The following FETUB variants were observed in gnomAD, a reference collection of about 807,000 sequenced individuals.
The protein encoded by FETUB is fetuin B, also known as fetuin-B.
Under a neutral mutation model 30.9 loss-of-function variants are expected in FETUB, and 28 were observed. The observed-to-expected ratio is 0.90, with a 90% CI of 0.67 to 1.24. The LOEUF (loss-of-function observed/expected upper bound fraction) is 1.24, where lower values mean the gene tolerates loss of function less well. Ranked by LOEUF, FETUB falls within the 50% of genes most tolerant of loss-of-function variation. FETUB has a pLI of 0.00. For synonymous variants in FETUB, 186 were observed against 175.9 expected (o/e 1.06, Z -0.45); for missense variants, 469 against 455.3 (o/e 1.03, Z -0.27).
chr3:186,646,423 C>A, intron 5 of FETUB, 74 bp downstream of exon 5: 2 of 1,112,854 alleles, frequency 1.8e-6, no homozygotes, highest in Non-Finnish European at 2.7e-6. Context: ...GCATAAATTA[C>A]ATATGAGGTG....
At position 186,652,363 on chromosome 3, in the gene FETUB, C is replaced by A. The variant is rs902979028; in HGVS notation, c.881C>A (p.Ser294Tyr). The change falls in exon 7 of 7, where the codon TCC becomes TAC. Residue 294 changes from serine (S) to tyrosine (Y), a missense_variant. By Grantham distance (144) the Ser-to-Tyr change is moderately radical. Transcript: ENST00000265029. Reference protein sequence around the residue: ...SQQKNTPPTDSPSKAGPRGSV... With the variant: ...SQQKNTPPTDYPSKAGPRGSV... ...CAGAAAAACACCCCCCCAACAGACT[C>A]CCCCTCCAAAGCTGGGCCAAGAGGA... The A allele has an allele frequency of 3.1e-6, 5 of 1,603,458 alleles. No individual in the cohort carries two copies. Among genetic ancestry groups the A allele is most frequent in the Non-Finnish European group, 3.4e-6 (4 of 1,171,318 alleles).
chr3:186,637,060 G>A (rs1034598104), upstream of FETUB, among the ~76,000 whole-genome samples: 2 of 152,174 alleles, frequency 1.3e-5, no homozygotes, highest in South Asian at 4.1e-4. Flanking sequence ...TAACCTTTCT[G>A]TTCCTCAGCC....
upstream of FETUB, chr3:186,640,213 T>C: frequency 1.9e-6 from 1 of 525,208 alleles, no homozygotes; most frequent in Non-Finnish European, 3.4e-6. Flanking sequence ...CAGGAAACAG[T>C]TGGGAAACTT....
intron 3 of FETUB, among the ~76,000 whole-genome samples, chr3:186,644,222 C>T (rs1399568008): frequency 6.6e-6 from 1 of 152,170 alleles, no homozygotes; most frequent in Non-Finnish European, 1.5e-5. Context: ...ATCCCCCTAT[C>T]TAGCTGTAAT....
intron 3 of FETUB, among the ~76,000 whole-genome samples, 178 bp from the exon 4 acceptor site, chr3:186,644,573 C>A (rs1456598531): frequency 6.6e-6 from 1 of 152,108 alleles, no homozygotes; most frequent in South Asian, 2.1e-4. Flanking sequence ...TTGTTCTGGT[C>A]TCTTTTTTAA....
chr3:186,649,514 G>A lies in FETUB; in HGVS notation c.697-1704G>A, dbSNP rs565040615. On this transcript the variant is annotated intron_variant, in intron 5 of 6. Transcript: ENST00000265029. ...AGACAGAATTTTGCTCTGTCGCCCA[G>A]GCTGGAGTACAGTGGCGCAATCTCA... 2.0e-5 allele frequency among the ~76,000 whole-genome samples: 3 copies of A among 152,002 alleles called. No individual in the cohort carries two copies. In the South Asian group the frequency reaches 6.2e-4, roughly 32 times the overall value.
intron 5 of FETUB, among the ~76,000 whole-genome samples, chr3:186,647,556 T>C (rs1717654050): frequency 6.6e-6 from 1 of 152,220 alleles, no homozygotes; most frequent in African/African-American, 2.4e-5. Context: ...TGGTACCTCA[T>C]CATGATTTTT....
At chr3:186,647,853 T>A (rs963838517) in intron 5 of FETUB, among the ~76,000 whole-genome samples, 16 of 152,256 alleles carry the variant, frequency 1.1e-4, no homozygotes, top group African/African-American at 3.6e-4. Flanking sequence ...GAAGTTCTAT[T>A]TATATATATT....
chr3:186,636,541 GAA>G (rs1339537929), upstream of FETUB, among the ~76,000 whole-genome samples: 6 of 152,158 alleles, frequency 3.9e-5, no homozygotes, highest in Non-Finnish European at 8.8e-5. Flanking sequence ...TTTTGATTCC[GAA>G]AAGTGTTCTC....
rs1717532838 is a variant in FETUB, at chr3:186,646,277, A to T, written c.624A>T (p.Glu208Asp). ...TGGTCGGCCCTTCTTACTTTGTGGA[A>T]TACTTAATTAAAGAATCACCATGTA... is the stretch of plus-strand genomic sequence containing the variant. ...QWVVGPSYFV[E>D]YLIKESPCTK... Residue 208 changes from glutamate (E) to aspartate (D), a missense_variant, in exon 5 of 7, where the codon GAA becomes GAT. Glu to Asp is a conservative substitution (Grantham distance 45). Coordinates refer to ENST00000265029, the MANE Select transcript of FETUB (RefSeq NM_014375.3). 2 of 1,613,908 alleles carry T rather than the reference A, an allele frequency of 1.2e-6. No homozygotes were observed. The highest frequency in any genetic ancestry group is 4.5e-5 in the East Asian group (2 of 44,858).
At chr3:186,639,655 T>TAAA (rs5855107), upstream of FETUB, among the ~76,000 whole-genome samples, 50 of 129,444 alleles carry the variant, frequency 3.9e-4, 1 homozygote, top group African/African-American at 9.3e-4. Context: ...AAATAGAAGC[T>TAAA]AAAAAAAAAA....
In FETUB at chr3:186,652,980, T is replaced by G; in HGVS notation, c.*349T>G. On this transcript the variant is annotated 3_prime_UTR_variant, in exon 7 of 7. Coordinates refer to ENST00000265029, the MANE Select transcript of FETUB (RefSeq NM_014375.3). ...GTGCTGAAATCTCAGCATGAAAGCATTGCATGAGTAAAGATACTTTCCCTA... is the reference window on the plus strand; with the variant it reads ...GTGCTGAAATCTCAGCATGAAAGCAGTGCATGAGTAAAGATACTTTCCCTA... 1 of 182,862 alleles carries G rather than the reference T, an allele frequency of 5.5e-6. No individual in the cohort carries two copies. Among genetic ancestry groups the G allele is most frequent in the Non-Finnish European group, 1.1e-5 (1 of 87,584 alleles). The allele number at this position is 182,862 out of a possible 1,614,324, so 11.3% of individuals were successfully genotyped here. A position where few individuals can be genotyped will look rare whatever the true frequency, so the allele number is the denominator to read the frequency against.
upstream of FETUB, among the ~76,000 whole-genome samples, chr3:186,636,724 AGAG>A (rs1716784777): frequency 6.6e-6 from 1 of 152,196 alleles, no homozygotes; most frequent in Non-Finnish European, 1.5e-5. Flanking sequence ...TCCCAATGAC[AGAG>A]GAGACAGCTG....
intron 5 of FETUB, among the ~76,000 whole-genome samples, chr3:186,649,294 T>C (rs1717797927): frequency 6.6e-6 from 1 of 152,204 alleles, no homozygotes; most frequent in Admixed American, 6.5e-5. Flanking sequence ...GCTCTGGAGC[T>C]GAGTGACAAA....
intron 2 of FETUB, among the ~76,000 whole-genome samples, chr3:186,641,351 T>G (rs1423614920): frequency 6.6e-6 from 1 of 152,218 alleles, no homozygotes; most frequent in African/African-American, 2.4e-5. Context: ...ATTGGGGTCA[T>G]GCAGAACAGA....
intron 5 of FETUB, 129 bp downstream of exon 5, chr3:186,646,478 C>T: frequency 2.8e-6 from 2 of 705,404 alleles, no homozygotes; most frequent in East Asian, 2.5e-5. Flanking sequence ...GAGCATCTGA[C>T]TAGTTAGAGA....
At position 186,642,495 on chromosome 3, in the gene FETUB, T is replaced by G; in HGVS notation, c.361T>G (p.Phe121Val). Residue 121 changes from phenylalanine (F) to valine (V), a missense_variant, in exon 3 of 7, where the codon TTT becomes GTT. Physicochemically the swap from Phe to Val is conservative, Grantham distance 50. Transcript: ENST00000265029. ...ESVYGQCKAI[F>V]YMNNPSRVLY... is the part of the protein sequence containing the mutation. ...GGTTTATGGTCAATGCAAAGCAATA[T>G]TTTATATGAACAACCCAAGTAGAGT... 1 of 1,609,018 alleles carries G rather than the reference T, an allele frequency of 6.2e-7. No homozygotes were observed. The highest frequency in any genetic ancestry group is 8.5e-7 in the Non-Finnish European group (1 of 1,175,830).
At chr3:186,645,875 C>T (rs1318865870) in intron 4 of FETUB, among the ~76,000 whole-genome samples, 5 of 151,830 alleles carry the variant, frequency 3.3e-5, no homozygotes, top group Non-Finnish European at 4.4e-5. Flanking sequence ...TACAGGCATG[C>T]GCCACCATGC....
intron 5 of FETUB, among the ~76,000 whole-genome samples, chr3:186,650,560 A>G (rs1717942298): frequency 6.6e-6 from 1 of 152,162 alleles, no homozygotes; most frequent in South Asian, 2.1e-4. Context: ...GAGGGTTTTT[A>G]CAATATATTG....
Sources: allele counts gnomAD v4.1 joint callset (sites outside exome capture counted in the v4.1 genomes callset), GRCh38; gene constraint gnomAD v4.1.1; transcripts MANE v1.5; gene names NCBI Gene and HGNC (gene_info 2026-07-23, HGNC 2026-07-21).